ARHGAP6: variants seen among roughly 807,000 people sequenced by gnomAD.
ARHGAP6 encodes the protein Rho GTPase activating protein 6.
Under a neutral mutation model 55.7 loss-of-function variants are expected in ARHGAP6, and 16 were observed. That is an observed-to-expected ratio of 0.29 (90% CI 0.19 to 0.44). The LOEUF (loss-of-function observed/expected upper bound fraction) is 0.44, where lower values mean the gene tolerates loss of function less well. ARHGAP6 is among the 20% of genes least tolerant of loss of function. The pLI is 1.00. For missense variants in ARHGAP6, 698 were observed against 808.9 expected (o/e 0.86, Z 1.66); for synonymous variants, 382 against 360.9 (o/e 1.06, Z -0.66).
intron 2 of ARHGAP6, among the ~76,000 whole-genome samples, chrX:11,252,103 G>A (rs2047431668): frequency 8.9e-6 from 1 of 112,002 alleles, no homozygotes; most frequent in Non-Finnish European, 1.9e-5. Flanking sequence ...AATGGAGACA[G>A]AGCCTCTAGT....
intron 1 of ARHGAP6, among the ~76,000 whole-genome samples, chrX:11,505,079 A>G (rs1285362496): frequency 2.7e-5 from 3 of 111,087 alleles, no homozygotes; most frequent in Non-Finnish European, 3.8e-5. Flanking sequence ...AAGGCGCAAC[A>G]GAGTCCAAAC....
At chrX:11,504,083 CT>C (rs1464758164) in intron 1 of ARHGAP6, among the ~76,000 whole-genome samples, 1 of 110,868 alleles carries the variant, frequency 9.0e-6, no homozygotes, top group Non-Finnish European at 1.9e-5. Context: ...AGAACTGTTT[CT>C]TTTTTTCTCA....
chrX:11,153,763 T>C (rs1363321255), intron 10 of ARHGAP6, among the ~76,000 whole-genome samples: 1 of 110,841 alleles, frequency 9.0e-6, no homozygotes, highest in Non-Finnish European at 1.9e-5. Context: ...TGTTCACTGA[T>C]AATGCTAGTC....
chrX:11,270,019 C>T (rs190082196), intron 1 of ARHGAP6, among the ~76,000 whole-genome samples: 1 of 112,054 alleles, frequency 8.9e-6, no homozygotes, highest in Non-Finnish European at 1.9e-5. Context: ...CTAAAATTTA[C>T]TGAGTACTTA....
At chrX:11,247,114 A>G (rs890192493) in intron 2 of ARHGAP6, among the ~76,000 whole-genome samples, 4 of 111,898 alleles carry the variant, frequency 3.6e-5, no homozygotes, top group Non-Finnish European at 7.5e-5. Flanking sequence ...CCTAAGGGAT[A>G]ATGGCGAGGG....
chrX:11,292,125 A>G (rs2048004684), intron 1 of ARHGAP6, among the ~76,000 whole-genome samples: 1 of 112,068 alleles, frequency 8.9e-6, no homozygotes, highest in Non-Finnish European at 1.9e-5. Context: ...AGGCTAAGTA[A>G]TTTGTATATA....
At chrX:11,497,430 A>G (rs1234650398) in intron 1 of ARHGAP6, among the ~76,000 whole-genome samples, 1 of 110,815 alleles carries the variant, frequency 9.0e-6, no homozygotes, top group Non-Finnish European at 1.9e-5. Context: ...TGTGAAGGCA[A>G]GGTCTTTGGA....
chrX:11,417,810 C>T (rs1339579602), intron 1 of ARHGAP6, among the ~76,000 whole-genome samples: 1 of 111,896 alleles, frequency 8.9e-6, no homozygotes. Context: ...CCCAGCCCCA[C>T]TACGTACTAG....
chrX:11,283,789 T>C (rs1015170194), intron 1 of ARHGAP6, among the ~76,000 whole-genome samples: 11 of 110,941 alleles, frequency 9.9e-5, no homozygotes, highest in Non-Finnish European at 1.1e-4. Flanking sequence ...CTCTAGAAAA[T>C]GGAAAAGTCA....
chrX:11,212,053 T>C (rs1005713485), intron 2 of ARHGAP6, among the ~76,000 whole-genome samples: 7 of 111,513 alleles, frequency 6.3e-5, no homozygotes, highest in Non-Finnish European at 1.3e-4. Flanking sequence ...TTGCCCAAAA[T>C]TGCAGATGCA....
At chrX:11,347,273 G>A (rs1049728810) in intron 1 of ARHGAP6, among the ~76,000 whole-genome samples, 1 of 112,263 alleles carries the variant, frequency 8.9e-6, no homozygotes, top group African/African-American at 3.2e-5. Flanking sequence ...GATGATATTT[G>A]TGTTTTGACA....
intron 1 of ARHGAP6, among the ~76,000 whole-genome samples, chrX:11,348,946 A>G (rs976054028): frequency 9.0e-6 from 1 of 111,431 alleles, no homozygotes; most frequent in Non-Finnish European, 1.9e-5. Flanking sequence ...ATTCTCCTCC[A>G]TAAATTAGAT....
chrX:11,509,626 G>T (rs1156901226), intron 1 of ARHGAP6, among the ~76,000 whole-genome samples: 2 of 111,910 alleles, frequency 1.8e-5, no homozygotes, highest in Non-Finnish European at 3.8e-5. Flanking sequence ...TAAATTCAGG[G>T]TACATATTTT....
At chrX:11,485,671 C>T (rs761685474) in intron 1 of ARHGAP6, among the ~76,000 whole-genome samples, 1 of 112,281 alleles carries the variant, frequency 8.9e-6, no homozygotes, top group African/African-American at 3.2e-5. Flanking sequence ...ATGCCATACC[C>T]ATTCACACAT....
chrX:11,404,192 G>T (rs975350856), intron 1 of ARHGAP6, among the ~76,000 whole-genome samples: 1 of 111,250 alleles, frequency 9.0e-6, no homozygotes, highest in Non-Finnish European at 1.9e-5. Context: ...TCCACTCTTT[G>T]CATCTCCCAT....
chrX:11,196,136 AAAAC>A (rs1489560669), intron 3 of ARHGAP6, among the ~76,000 whole-genome samples: 3 of 45,065 alleles, frequency 6.7e-5, no homozygotes, highest in African/African-American at 4.3e-4. Flanking sequence ...TCTGTCTCAA[AAAAC>A]AAAACAAAAC....
chrX:11,188,736 T>G lies in ARHGAP6; in HGVS notation c.1069A>C (p.Arg357=), dbSNP rs773209469. The G allele has an allele frequency of 3.3e-6, 4 of 1,209,075 alleles. No homozygotes were observed. The highest frequency in any genetic ancestry group is 4.5e-6 in the Non-Finnish European group (4 of 894,589). ...AATACTGGCCACCTCACCCTCCTCC[T>G]AGCCCGAGGAGCCGGTTCCGGGGTG... The part of the protein sequence containing the change: ...PNTPEPAPRA[R]RRGAMSVDSI... The change falls in exon 4 of 13, where the codon AGG becomes CGG. Residue 357 remains arginine (R), a synonymous_variant. Transcript: ENST00000337414.
chrX:11,180,224 A>G (rs1259512435), intron 6 of ARHGAP6, among the ~76,000 whole-genome samples: 1 of 111,205 alleles, frequency 9.0e-6, no homozygotes, highest in Non-Finnish European at 1.9e-5. Flanking sequence ...GGGAGTAATA[A>G]CTCCACACCC....
chrX:11,189,058 C>G lies in ARHGAP6; in HGVS notation c.821-74G>C. The stretch of plus-strand genomic sequence containing the variant: ...GAACACTCTCATTTATGTTTCAGAC[C>G]TAAGTAAGAACAGACATATTCAAAG... On this transcript the variant is annotated intron_variant, in intron 3 of 12. Transcript: ENST00000337414. 3.7e-6 allele frequency: 4 copies of G among 1,090,869 alleles called. No homozygotes were observed. In the South Asian group the frequency reaches 8.7e-5, roughly 24 times the overall value. The allele number at this position is 1,090,869 out of a possible 1,213,427, so 89.9% of individuals were successfully genotyped here.
Sources: allele counts gnomAD v4.1 joint callset (sites outside exome capture counted in the v4.1 genomes callset), GRCh38; gene constraint gnomAD v4.1.1; transcripts MANE v1.5; gene names NCBI Gene and HGNC (gene_info 2026-07-23, HGNC 2026-07-21).